Variants in NKAIN2 observed in about 807,000 individuals in gnomAD.
NKAIN2 encodes sodium/potassium-transporting ATPase subunit beta-1-interacting protein 2.
In NKAIN2, 14 loss-of-function variants were observed where a neutral mutation model predicts 32.6. That is an observed-to-expected ratio of 0.43 (90% CI 0.28 to 0.67). The LOEUF is 0.67. Ranked by LOEUF, NKAIN2 falls within the 30% of genes least tolerant of loss-of-function variation. The pLI, the probability that NKAIN2 is intolerant of heterozygous loss-of-function variation, is 0.17. For synonymous variants in NKAIN2, 80 were observed against 87.2 expected, an observed-to-expected ratio of 0.92 and a Z score of 0.46; for missense variants, 198 against 258.3, an observed-to-expected ratio of 0.77 and a Z score of 1.60.
chr6:124,380,072 A>G (rs1461974697), intron 3 of NKAIN2, among the ~76,000 whole-genome samples: 1 of 152,156 alleles, frequency 6.6e-6, no homozygotes, highest in Admixed American at 6.5e-5. Flanking sequence ...ATAAAATTTC[A>G]AGAAGAAATG....
intron 1 of NKAIN2, among the ~76,000 whole-genome samples, chr6:124,243,489 C>T (rs1793221160): frequency 1.3e-5 from 2 of 150,986 alleles, no homozygotes; most frequent in East Asian, 2.0e-4. Flanking sequence ...AACAAGACCC[C>T]GTCTCAAAGA....
chr6:124,050,338 G>A (rs560314275), intron 1 of NKAIN2, among the ~76,000 whole-genome samples: 1 of 152,130 alleles, frequency 6.6e-6, no homozygotes, highest in East Asian at 1.9e-4. Context: ...AAGCGTTGGA[G>A]GTGGTATCTA....
intron 3 of NKAIN2, among the ~76,000 whole-genome samples, chr6:124,639,815 T>C (rs935443737): frequency 3.3e-5 from 5 of 152,080 alleles, no homozygotes; most frequent in African/African-American, 1.2e-4. Flanking sequence ...GTTGCAATTA[T>C]TAGACACTGA....
chr6:124,704,157 G>GA (rs1423907022), intron 4 of NKAIN2, among the ~76,000 whole-genome samples: 2 of 151,678 alleles, frequency 1.3e-5, no homozygotes, highest in African/African-American at 4.8e-5. Context: ...TTGATTGAGA[G>GA]AAAAAATGCA....
intron 3 of NKAIN2, among the ~76,000 whole-genome samples, chr6:124,505,861 C>T (rs1778455097): frequency 6.6e-6 from 1 of 152,066 alleles, no homozygotes; most frequent in Admixed American, 6.6e-5. Context: ...TAATGACAGA[C>T]TTAGTGAGCC....
At chr6:124,673,793 A>G (rs1449947713) in intron 4 of NKAIN2, among the ~76,000 whole-genome samples, 1 of 151,902 alleles carries the variant, frequency 6.6e-6, no homozygotes, top group Non-Finnish European at 1.5e-5. Context: ...ACCTATTATC[A>G]GATATATGGT....
chr6:123,894,660 T>C (rs1417606514), intron 1 of NKAIN2, among the ~76,000 whole-genome samples: 2 of 152,024 alleles, frequency 1.3e-5, no homozygotes, highest in Non-Finnish European at 2.9e-5. Context: ...TTGGGGGACT[T>C]TCCAGGAGAT....
At chr6:124,100,447 G>T (rs1264300979) in intron 1 of NKAIN2, among the ~76,000 whole-genome samples, 3 of 152,106 alleles carry the variant, frequency 2.0e-5, no homozygotes, top group Non-Finnish European at 2.9e-5. Flanking sequence ...TTTATTTAAT[G>T]CTTAGTGTTT....
At position 124,479,705 on chromosome 6, in the gene NKAIN2, G is replaced by A. The variant is rs982215344; in HGVS notation, c.273+124358G>A. On this transcript the variant is annotated intron_variant, in intron 3 of 6. Transcript: ENST00000368417. ...AAATGATTATTTTGCCTTTTAATTT[G>A]TATTTGTTTGTTTAAAAGCCTATAG... Among the ~76,000 whole-genome samples, 3 of 152,050 alleles carry A rather than the reference G, an allele frequency of 2.0e-5. 1 individual carries two copies. The highest frequency in any genetic ancestry group is 2.0e-4 in the Admixed American group (3 of 15,242).
rs573079990 is a variant in NKAIN2 at position 124,228,983 on chromosome 6, T to C, written c.55-54022T>C. ...CTAGTAAGTACCACCTTTTCTAAGC[T>C]GAGAGATCATATAATACTGTTAGTC... On this transcript the variant is annotated intron_variant, in intron 1 of 6. Transcript: ENST00000368417. 2.0e-5 allele frequency among the ~76,000 whole-genome samples: 3 copies of C among 152,276 alleles called. No homozygotes were observed. The East Asian group carries it at 5.8e-4, about 29-fold the overall frequency.
rs191765215 is a variant in NKAIN2 at position 124,761,891 on chromosome 6, T to C, written c.475-29448T>C. ...AAAAAACAGAAATAGGAAGGGGAAA[T>C]ATGTCTCCAAAATGTGCAGATGTAT... On this transcript the variant is annotated intron_variant, in intron 4 of 6. Transcript: ENST00000368417. Among the ~76,000 whole-genome samples, 61 of 152,270 alleles carry C rather than the reference T, an allele frequency of 4.0e-4. 1 individual carries two copies. The highest frequency in any genetic ancestry group is 6.8e-3 in the Middle Eastern group (2 of 294).
chr6:124,631,530 G>T (rs888639257), intron 3 of NKAIN2, among the ~76,000 whole-genome samples: 3 of 152,166 alleles, frequency 2.0e-5, no homozygotes, highest in African/African-American at 7.2e-5. Context: ...TTGAGTGCAG[G>T]CTTCTCTCTT....
At chr6:124,337,267 T>C (rs1797916579) in intron 2 of NKAIN2, among the ~76,000 whole-genome samples, 2 of 152,134 alleles carry the variant, frequency 1.3e-5, no homozygotes, top group African/African-American at 4.8e-5. Context: ...GAGGCCAAGA[T>C]GGGCAGATCC....
At chr6:124,746,185 C>T (rs1300725287) in intron 4 of NKAIN2, among the ~76,000 whole-genome samples, 1 of 151,810 alleles carries the variant, frequency 6.6e-6, no homozygotes, top group Non-Finnish European at 1.5e-5. Context: ...ACCCATAATA[C>T]AGTGCATGGT....
At chr6:124,804,209 C>G (rs1404399991) in intron 5 of NKAIN2, among the ~76,000 whole-genome samples, 3 of 152,096 alleles carry the variant, frequency 2.0e-5, no homozygotes, top group Non-Finnish European at 4.4e-5. Context: ...TAAAAGACTA[C>G]CTGATAACAA....
chr6:124,228,715 A>T (rs528760937), intron 1 of NKAIN2, among the ~76,000 whole-genome samples: 27 of 152,142 alleles, frequency 1.8e-4, no homozygotes, highest in African/African-American at 6.3e-4. Flanking sequence ...TCTCTTACCC[A>T]TTTCTCTGTG....
At chr6:124,438,100 T>C (rs927226453) in intron 3 of NKAIN2, among the ~76,000 whole-genome samples, 22 of 152,090 alleles carry the variant, frequency 1.4e-4, no homozygotes, top group Non-Finnish European at 1.5e-4. Flanking sequence ...AGAAATGGCT[T>C]TCTCAACACA....
intron 3 of NKAIN2, among the ~76,000 whole-genome samples, chr6:124,361,044 C>T (rs1344200896): frequency 6.6e-6 from 1 of 152,110 alleles, no homozygotes; most frequent in Non-Finnish European, 1.5e-5. Flanking sequence ...GAACTAACCT[C>T]AGCCATCAAC....
chr6:124,693,037 T>C (rs1347535895), intron 4 of NKAIN2, among the ~76,000 whole-genome samples: 1 of 152,198 alleles, frequency 6.6e-6, no homozygotes, highest in African/African-American at 2.4e-5. Context: ...GTATTTACAC[T>C]GAACTTCTAT....
Sources: allele counts gnomAD v4.1 joint callset (sites outside exome capture counted in the v4.1 genomes callset), GRCh38; gene constraint gnomAD v4.1.1; transcripts MANE v1.5; gene names NCBI Gene and HGNC (gene_info 2026-07-23, HGNC 2026-07-21).